ATP9B: variants seen among roughly 807,000 people sequenced by gnomAD.
ATP9B encodes ATPase phospholipid transporting 9B.
Under a neutral mutation model 146.1 loss-of-function variants are expected in ATP9B, and 110 were observed. That is an observed-to-expected ratio of 0.75 (90% CI 0.65 to 0.88). The LOEUF (loss-of-function observed/expected upper bound fraction) is 0.88. Ranked by LOEUF, ATP9B falls within the 40% of genes least tolerant of loss-of-function variation. ATP9B has a pLI of 0.00. For synonymous variants in ATP9B, 604 were observed against 569.7 expected (o/e 1.06, Z -0.86); for missense variants, 1,499 against 1,496.4 (o/e 1.00, Z -0.03).
chr18:79,243,364 G>C (rs1465145558), intron 11 of ATP9B, among the ~76,000 whole-genome samples: 2 of 152,212 alleles, frequency 1.3e-5, no homozygotes, highest in Non-Finnish European at 2.9e-5. Context: ...GTTCTGATCA[G>C]CAAATATTTT....
chr18:79,277,537 A>T (rs907764556), intron 13 of ATP9B, among the ~76,000 whole-genome samples: 1 of 152,080 alleles, frequency 6.6e-6, no homozygotes, highest in African/African-American at 2.4e-5. Flanking sequence ...CAAGAATTCC[A>T]TGTTTGTTTA....
chr18:79,359,246 GA>G lies in ATP9B; in HGVS notation c.2904-107del, dbSNP rs142808541. On this transcript the variant is annotated intron_variant, in intron 25 of 29. Transcript: ENST00000426216. ...CCAACTTACTTTGTTGGTTTTTGTG[GA>G]GTATTTTTTGGTGTTTTTGAAGCTG... 2.8e-3 allele frequency: 2,130 copies of G among 756,722 alleles called. 31 individuals carry two copies. The highest frequency in any genetic ancestry group is 0.023 in the African/African-American group (1,342 of 57,496). 46.9% of individuals were successfully genotyped at this position (756,722 alleles called of 1,614,324 possible).
chr18:79,072,845 C>T (rs148501613), intron 1 of ATP9B, among the ~76,000 whole-genome samples: 20,107 of 150,550 alleles, frequency 0.13, 1,933 homozygotes, highest in African/African-American at 0.27. Context: ...ATGGGGCGGC[C>T]GGGCAGAGGC....
chr18:79,180,739 TAG>T (rs2095241420), intron 8 of ATP9B, among the ~76,000 whole-genome samples: 2 of 152,116 alleles, frequency 1.3e-5, no homozygotes, highest in Non-Finnish European at 2.9e-5. Flanking sequence ...TGAAATCTGC[TAG>T]AGATTGTCAG....
chr18:79,182,030 T>A (rs2148008054), intron 8 of ATP9B, among the ~76,000 whole-genome samples: 1 of 152,366 alleles, frequency 6.6e-6, no homozygotes, highest in African/African-American at 2.4e-5. Flanking sequence ...CTTTAAAGCA[T>A]CTCGATCTTT....
chr18:79,283,091 TTAAA>T (rs1221326585), intron 13 of ATP9B, among the ~76,000 whole-genome samples: 1 of 152,220 alleles, frequency 6.6e-6, no homozygotes, highest in Non-Finnish European at 1.5e-5. Flanking sequence ...TTCCAGGAAC[TTAAA>T]TAATTAAGAT....
Position 79,180,286 on chromosome 18 carries a change from C to G in ATP9B, c.873+3379C>G, listed in dbSNP as rs1236462296. On this transcript the variant is annotated intron_variant, in intron 8 of 29. Transcript: ENST00000426216. Reference sequence around the variant, plus strand: ...AGTCAGTCATTTGACTCTGTAGGTTCTACTTATCCCATTTGTTTCTTTTCT... The same window carrying G: ...AGTCAGTCATTTGACTCTGTAGGTTGTACTTATCCCATTTGTTTCTTTTCT... Among the ~76,000 whole-genome samples the G allele has an allele frequency of 3.3e-5, 5 of 152,218 alleles. No individual in the cohort carries two copies. The East Asian group carries it at 5.8e-4, about 18-fold the overall frequency.
Position 79,372,861 on chromosome 18 carries a change from G to T in ATP9B, c.3049G>T (p.Val1017Phe). The stretch of plus-strand genomic sequence containing the variant: ...GTCCTTCAAAACCTTCCTCATCTGG[G>T]TTTTAATAAGTATTTACCAAGGTAA... ...SLSFKTFLIW[V>F]LISIYQGGIL... The change falls in exon 27 of 30, where the codon GTT (valine) becomes TTT (phenylalanine). Residue 1017 changes from valine to phenylalanine, a missense_variant. Transcript: ENST00000426216. 6.2e-7 allele frequency: 1 copy of T among 1,610,812 alleles called. No individual in the cohort carries two copies. The highest frequency in any genetic ancestry group is 8.5e-7 in the Non-Finnish European group (1 of 1,177,034).
In ATP9B at chr18:79,303,665, C is replaced by T. The variant is rs758236025; in HGVS notation, c.1473C>T (p.Gly491=). The change falls in exon 14 of 30, where the codon GGC becomes GGT. Residue 491 remains glycine, a synonymous_variant. Transcript: ENST00000426216. The part of the protein sequence containing the change: ...KRLHLGTVSY[G]ADTMDEIQSH... Reference sequence around the variant, plus strand: ...TGCACCTGGGCACCGTGTCCTATGGCGCCGACACGATGGATGAGATCCAGA... The same window carrying T: ...TGCACCTGGGCACCGTGTCCTATGGTGCCGACACGATGGATGAGATCCAGA... The T allele has an allele frequency of 1.2e-5, 20 of 1,613,948 alleles. No individual in the cohort carries two copies. The African/African-American group carries it at 1.5e-4, about 12-fold the overall frequency.
chr18:79,196,128 C>A lies in ATP9B; in HGVS notation c.954+2865C>A, dbSNP rs765636909. On this transcript the variant is annotated intron_variant, in intron 9 of 29. Coordinates refer to ENST00000426216, the MANE Select transcript of ATP9B (RefSeq NM_198531.5). ...GTGTCAGTGTTCTCAGCATACGGAG[C>A]CATACAAGAGCAGCACAGCCTTTCC... Among the ~76,000 whole-genome samples, 9 of 152,292 alleles carry A rather than the reference C, an allele frequency of 5.9e-5. No individual in the cohort carries two copies. The South Asian group carries it at 8.3e-4, about 14-fold the overall frequency.
intron 12 of ATP9B, among the ~76,000 whole-genome samples, chr18:79,256,256 G>GATATATATATATATATAT (rs2096075881): frequency 2.4e-5 from 1 of 41,822 alleles, no homozygotes; most frequent in African/African-American, 1.3e-4. Context: ...ATTCTAGCTA[G>GATATATATATATATATAT]CTATATATAT....
intron 11 of ATP9B, among the ~76,000 whole-genome samples, chr18:79,252,797 C>G (rs1355066047): frequency 7.3e-6 from 1 of 137,442 alleles, no homozygotes; most frequent in Non-Finnish European, 1.6e-5. Context: ...CTAACTATTG[C>G]TTTTTTTTTT....
intron 6 of ATP9B, chr18:79,145,281 G>A (rs2094568720): frequency 6.5e-6 from 1 of 153,312 alleles, no homozygotes; most frequent in Non-Finnish European, 1.3e-5. Flanking sequence ...CTGGCGGTGT[G>A]CAGAGTGACT....
intron 1 of ATP9B, among the ~76,000 whole-genome samples, chr18:79,087,936 C>G (rs1244646564): frequency 1.3e-5 from 2 of 152,052 alleles, no homozygotes; most frequent in Non-Finnish European, 2.9e-5. Context: ...TTGCTGGAAA[C>G]GTTGATTTTT....
chr18:79,375,102 G>A (rs538460181), intron 28 of ATP9B, among the ~76,000 whole-genome samples: 8 of 152,324 alleles, frequency 5.3e-5, no homozygotes, highest in East Asian at 3.9e-4. Flanking sequence ...CAGCGCGTGC[G>A]CCTTCTGTGC....
At chr18:79,348,248 G>GGAAAA in intron 25 of ATP9B, 52 bp downstream of exon 25, 1 of 822,218 alleles carries the variant, frequency 1.2e-6, no homozygotes, top group Non-Finnish European at 1.9e-6. Flanking sequence ...CTTCTATTTT[G>GGAAAA]AAAAAAAAAA....
At chr18:79,235,183 T>C (rs2095829864) in intron 11 of ATP9B, among the ~76,000 whole-genome samples, 1 of 152,218 alleles carries the variant, frequency 6.6e-6, no homozygotes, top group Admixed American at 6.5e-5. Context: ...GGCCTTATTG[T>C]ATATAACTTC....
intron 5 of ATP9B, among the ~76,000 whole-genome samples, chr18:79,139,846 A>G (rs1034730351): frequency 6.6e-6 from 1 of 152,132 alleles, no homozygotes; most frequent in African/African-American, 2.4e-5. Flanking sequence ...AGCCTCTGGT[A>G]ATCACCCTTC....
intron 1 of ATP9B, chr18:79,085,828 T>A (rs1349611145): frequency 6.6e-6 from 1 of 152,240 alleles, no homozygotes; most frequent in Non-Finnish European, 1.5e-5. Context: ...TAAGAACAGA[T>A]GTCTACTGTC....
Sources: gnomAD v4.1 joint callset for allele counts (sites outside exome capture counted in the v4.1 genomes callset) on GRCh38, gnomAD v4.1.1 for gene constraint, MANE v1.5 for transcripts, NCBI Gene and HGNC (gene_info 2026-07-23, HGNC 2026-07-21) for gene names.